CNTNAP2: variants seen among roughly 807,000 people sequenced by gnomAD.
CNTNAP2 encodes contactin associated protein 2.
In CNTNAP2, 98 loss-of-function variants were observed where a neutral mutation model predicts 155.2. That is an observed-to-expected ratio of 0.63 (90% CI 0.54 to 0.75). The LOEUF (loss-of-function observed/expected upper bound fraction) is 0.75. Among genes scored for constraint, CNTNAP2 ranks in the 30% least tolerant of loss-of-function variants. The pLI, the probability that CNTNAP2 is intolerant of heterozygous loss-of-function variation, is 0.00. For synonymous variants in CNTNAP2, 651 were observed against 631.2 expected, an observed-to-expected ratio of 1.03 and a Z score of -0.47; for missense variants, 1,727 against 1,688.1, an observed-to-expected ratio of 1.02 and a Z score of -0.40.
rs192674106 is a variant in CNTNAP2 at position 147,608,121 on chromosome 7, A to G, written c.1898-30985A>G. 3.7e-3 allele frequency among the ~76,000 whole-genome samples: 555 copies of G among 152,020 alleles called. 3 individuals are homozygous for G. The highest frequency in any genetic ancestry group is 0.012 in the African/African-American group (505 of 41,488). On this transcript the variant is annotated intron_variant, in intron 12 of 23. Coordinates refer to ENST00000361727, the MANE Select transcript of CNTNAP2 (RefSeq NM_014141.6). Reference sequence around the variant, plus strand: ...ATAAAGCACATTGTTCAATAAATGGAAGCTCCCATGCTCACGACTCTGCTT... The same window carrying G: ...ATAAAGCACATTGTTCAATAAATGGGAGCTCCCATGCTCACGACTCTGCTT...
chr7:147,730,251 A>G (rs572820826), intron 13 of CNTNAP2, among the ~76,000 whole-genome samples: 161 of 152,236 alleles, frequency 1.1e-3, no homozygotes, highest in African/African-American at 3.5e-3. Context: ...AATCACAGGC[A>G]TAATTGTTTT....
At chr7:146,272,957 C>T (rs1276152138) in intron 1 of CNTNAP2, among the ~76,000 whole-genome samples, 1 of 151,790 alleles carries the variant, frequency 6.6e-6, no homozygotes, top group Non-Finnish European at 1.5e-5. Context: ...GAGGAGTTCA[C>T]CAAGAAGCGA....
intron 12 of CNTNAP2, among the ~76,000 whole-genome samples, chr7:147,623,333 A>G (rs749828969): frequency 2.6e-5 from 4 of 152,094 alleles, no homozygotes; most frequent in Non-Finnish European, 5.9e-5. Context: ...TTTGCAGATG[A>G]TATGATCTTA....
At chr7:148,054,626 G>A (rs1802974031) in intron 15 of CNTNAP2, among the ~76,000 whole-genome samples, 1 of 151,908 alleles carries the variant, frequency 6.6e-6, no homozygotes, top group Admixed American at 6.6e-5. Flanking sequence ...GAGTGCAGAG[G>A]CCAACTCTTT....
At chr7:148,143,285 A>T (rs1186917374) in intron 16 of CNTNAP2, among the ~76,000 whole-genome samples, 1 of 152,210 alleles carries the variant, frequency 6.6e-6, no homozygotes, top group Non-Finnish European at 1.5e-5. Flanking sequence ...GCTCTATATC[A>T]GTTAAGATGC....
At chr7:146,394,832 G>C (rs1393649359) in intron 1 of CNTNAP2, among the ~76,000 whole-genome samples, 1 of 152,006 alleles carries the variant, frequency 6.6e-6, no homozygotes, top group Admixed American at 6.6e-5. Flanking sequence ...TGGGCTTTTA[G>C]TATAACCATT....
intron 1 of CNTNAP2, among the ~76,000 whole-genome samples, chr7:146,336,593 C>T (rs7793947): frequency 0.12 from 18,735 of 151,534 alleles, 3,480 homozygotes; most frequent in African/African-American, 0.4. Context: ...ATTTCATCTA[C>T]GAAAGTAAAA....
chr7:147,837,467 T>C (rs1277389506), intron 13 of CNTNAP2, among the ~76,000 whole-genome samples: 1 of 152,096 alleles, frequency 6.6e-6, no homozygotes, highest in East Asian at 1.9e-4. Flanking sequence ...CATATCATTC[T>C]GCCCCAGCCC....
intron 21 of CNTNAP2, among the ~76,000 whole-genome samples, chr7:148,356,304 C>T (rs1798514120): frequency 7.5e-6 from 1 of 133,284 alleles, no homozygotes; most frequent in Middle Eastern, 4.2e-3. Flanking sequence ...TTTTAACTCA[C>T]TCTTAAAAAA....
At chr7:146,831,355 G>T (rs150495108) in intron 2 of CNTNAP2, among the ~76,000 whole-genome samples, 1 of 152,052 alleles carries the variant, frequency 6.6e-6, no homozygotes, top group South Asian at 2.1e-4. Flanking sequence ...AGTCCTTGGG[G>T]TTATAATCTG....
At chr7:148,042,653 A>G (rs1360479513) in intron 15 of CNTNAP2, among the ~76,000 whole-genome samples, 3 of 152,152 alleles carry the variant, frequency 2.0e-5, no homozygotes, top group African/African-American at 7.2e-5. Context: ...TTTCACAGAC[A>G]CTAGACCATA....
At chr7:146,533,052 A>G (rs1314618153) in intron 1 of CNTNAP2, among the ~76,000 whole-genome samples, 1 of 145,848 alleles carries the variant, frequency 6.9e-6, no homozygotes, top group African/African-American at 2.5e-5. Flanking sequence ...CAGTGAGCAG[A>G]GATCGCACCA....
intron 1 of CNTNAP2, among the ~76,000 whole-genome samples, chr7:146,754,876 G>T (rs1241882357): frequency 6.6e-6 from 1 of 151,850 alleles, no homozygotes; most frequent in Non-Finnish European, 1.5e-5. Flanking sequence ...TTAGCATTTA[G>T]TCTAATCATC....
chr7:147,123,319 A>T (rs1187652297), intron 6 of CNTNAP2, among the ~76,000 whole-genome samples: 1 of 152,244 alleles, frequency 6.6e-6, no homozygotes, highest in Non-Finnish European at 1.5e-5. Context: ...AAATTCTGGA[A>T]CATTAAGAAT....
intron 10 of CNTNAP2, among the ~76,000 whole-genome samples, chr7:147,432,359 C>T (rs1378880255): frequency 6.6e-6 from 1 of 152,072 alleles, no homozygotes; most frequent in Non-Finnish European, 1.5e-5. Context: ...TACTGAGAAT[C>T]GCAGCTTTAG....
intron 8 of CNTNAP2, among the ~76,000 whole-genome samples, chr7:147,254,641 A>G (rs1231193438): frequency 2.0e-5 from 3 of 152,204 alleles, no homozygotes; most frequent in African/African-American, 7.2e-5. Context: ...TATATGGGAA[A>G]TAACATTTGA....
At chr7:147,375,510 G>A (rs1349147842) in intron 9 of CNTNAP2, among the ~76,000 whole-genome samples, 1 of 151,976 alleles carries the variant, frequency 6.6e-6, no homozygotes, top group Non-Finnish European at 1.5e-5. Context: ...AATCTTTTAG[G>A]GAGGAACAGA....
intron 3 of CNTNAP2, among the ~76,000 whole-genome samples, chr7:146,964,621 C>G (rs2129231288): frequency 6.6e-6 from 1 of 152,288 alleles, no homozygotes; most frequent in Non-Finnish European, 1.5e-5. Flanking sequence ...AAATGGTTTT[C>G]CATGAGTGTA....
At chr7:146,272,301 T>C (rs1800094905) in intron 1 of CNTNAP2, among the ~76,000 whole-genome samples, 1 of 152,050 alleles carries the variant, frequency 6.6e-6, no homozygotes, top group Non-Finnish European at 1.5e-5. Flanking sequence ...AGCATGGAGG[T>C]AATCACTCTA....
Sources: allele counts gnomAD v4.1 joint callset (sites outside exome capture counted in the v4.1 genomes callset), GRCh38; gene constraint gnomAD v4.1.1; transcripts MANE v1.5; gene names NCBI Gene and HGNC (gene_info 2026-07-23, HGNC 2026-07-21).